FARP1: variants seen among roughly 807,000 people sequenced by gnomAD.
FARP1 encodes the protein FERM, ARHGEF and pleckstrin domain-containing protein 1.
Under a neutral mutation model 128.8 loss-of-function variants are expected in FARP1, and 52 were observed. The observed-to-expected ratio is 0.40, with a 90% confidence interval of 0.32 to 0.51. The LOEUF is 0.51. Among genes scored for constraint, FARP1 ranks in the 20% least tolerant of loss-of-function variants. The pLI is 0.45. For missense variants in FARP1, 1,333 were observed against 1,367.9 expected (o/e 0.97, Z 0.40); for synonymous variants, 580 against 551.8 (o/e 1.05, Z -0.72).
chr13:98,179,967 C>G (rs1342192232), intron 1 of FARP1, among the ~76,000 whole-genome samples: 3 of 152,120 alleles, frequency 2.0e-5, no homozygotes, highest in African/African-American at 7.2e-5. Context: ...CTTAGGCCCT[C>G]CTAGATTCAG....
chr13:98,442,650 G>C (rs1290018039), intron 24 of FARP1, among the ~76,000 whole-genome samples: 1 of 152,182 alleles, frequency 6.6e-6, no homozygotes, highest in Non-Finnish European at 1.5e-5. Context: ...AAAGCTTGCG[G>C]GTCTGAGACT....
chr13:98,213,428 T>A lies in FARP1; in HGVS notation c.171+15T>A, dbSNP rs767085876. 2 of 1,611,760 alleles carry A rather than the reference T, an allele frequency of 1.2e-6. No homozygotes were observed. Among genetic ancestry groups the A allele is most frequent in the Admixed American group, 3.3e-5 (2 of 59,852 alleles). ...TTGAAGTTCCAGTAAGTTGGGGGCT[T>A]ATCTGTAACCCAGGAGTGTGGTAGG... is the stretch of plus-strand genomic sequence containing the variant. On this transcript the variant is annotated intron_variant, in intron 2 of 26. Transcript: ENST00000319562.
intron 2 of FARP1, among the ~76,000 whole-genome samples, chr13:98,310,060 T>C (rs1886389587): frequency 7.0e-6 from 1 of 142,848 alleles, no homozygotes; most frequent in Admixed American, 7.3e-5. Flanking sequence ...TGCTCTTTTG[T>C]TCCACTTAAT....
intron 2 of FARP1, among the ~76,000 whole-genome samples, chr13:98,213,775 A>G (rs905790560): frequency 2.4e-4 from 37 of 152,168 alleles, no homozygotes; most frequent in Non-Finnish European, 1.5e-5. Context: ...TTTACTGGTC[A>G]TAGACAATTC....
intron 2 of FARP1, among the ~76,000 whole-genome samples, chr13:98,238,414 C>T (rs528475407): frequency 2.2e-4 from 33 of 152,104 alleles, no homozygotes; most frequent in Non-Finnish European, 4.3e-4. Flanking sequence ...AATACACATA[C>T]AAATTATGTG....
chr13:98,236,852 C>T (rs1594305677), intron 2 of FARP1, among the ~76,000 whole-genome samples: 1 of 151,872 alleles, frequency 6.6e-6, no homozygotes, highest in Non-Finnish European at 1.5e-5. Flanking sequence ...ATTCGCCAGG[C>T]GTGGTGGCAC....
At chr13:98,164,499 C>G (rs1359899881) in intron 1 of FARP1, among the ~76,000 whole-genome samples, 1 of 152,152 alleles carries the variant, frequency 6.6e-6, no homozygotes, top group Non-Finnish European at 1.5e-5. Flanking sequence ...GCTTAAGATT[C>G]TTTTGATTTG....
At chr13:98,386,267 G>A (rs1890095450) in intron 8 of FARP1, among the ~76,000 whole-genome samples, 1 of 145,436 alleles carries the variant, frequency 6.9e-6, no homozygotes, top group African/African-American at 2.5e-5. Context: ...TACTTAAAGA[G>A]TGTTAGGCAC....
rs540055745 is a variant in FARP1 at position 98,176,966 on chromosome 13, C to T, written c.-24+33474C>T. On this transcript the variant is annotated intron_variant, in intron 1 of 26. Transcript: ENST00000319562. This position sits in a 1 kb window ranked among gnomAD's most constrained non-coding sequence, Gnocchi z 6.2. ...GAGCGGGTGGACCTGTACACCACGTCGAGGCTCTCAGGCGCCGCCTCCTCG... is the reference window on the plus strand; with the variant it reads ...GAGCGGGTGGACCTGTACACCACGTTGAGGCTCTCAGGCGCCGCCTCCTCG... 5 of 1,600,874 alleles carry T rather than the reference C, an allele frequency of 3.1e-6. No individual in the cohort carries two copies. The highest frequency in any genetic ancestry group is 4.5e-5 in the East Asian group (2 of 44,824).
At chr13:98,246,391 C>A (rs1883068952) in intron 2 of FARP1, among the ~76,000 whole-genome samples, 1 of 151,876 alleles carries the variant, frequency 6.6e-6, no homozygotes, top group Non-Finnish European at 1.5e-5. Context: ...CCGCGCCCAG[C>A]CCCGAGATAA....
At chr13:98,236,242 G>A (rs1221379929) in intron 2 of FARP1, among the ~76,000 whole-genome samples, 2 of 152,208 alleles carry the variant, frequency 1.3e-5, no homozygotes, top group East Asian at 1.9e-4. Context: ...ATTTGTAGCC[G>A]GGAAAAAGTG....
chr13:98,256,792 T>C (rs1184281201), intron 2 of FARP1, among the ~76,000 whole-genome samples: 1 of 149,618 alleles, frequency 6.7e-6, no homozygotes, highest in Non-Finnish European at 1.5e-5. Flanking sequence ...ACTCCTGGCC[T>C]CAAGTGATCC....
intron 2 of FARP1, among the ~76,000 whole-genome samples, chr13:98,225,690 G>T (rs1278465368): frequency 6.6e-6 from 1 of 152,226 alleles, no homozygotes; most frequent in Non-Finnish European, 1.5e-5. Context: ...CAGAAACCAA[G>T]ACACTGCCAA....
chr13:98,386,691 C>A (rs1890110958), intron 8 of FARP1, among the ~76,000 whole-genome samples: 1 of 152,130 alleles, frequency 6.6e-6, no homozygotes, highest in Non-Finnish European at 1.5e-5. Flanking sequence ...AAAGCACCCG[C>A]CTTTCTCATG....
At chr13:98,358,523 C>T (rs1302914630) in intron 3 of FARP1, among the ~76,000 whole-genome samples, 2 of 152,068 alleles carry the variant, frequency 1.3e-5, no homozygotes, top group African/African-American at 4.8e-5. Context: ...ACAAGAAAGC[C>T]ACACTTAACA....
intron 3 of FARP1, among the ~76,000 whole-genome samples, chr13:98,348,382 T>G (rs66917362): frequency 6.6e-6 from 1 of 152,210 alleles, no homozygotes; most frequent in Non-Finnish European, 1.5e-5. Flanking sequence ...CCCGTGCTTA[T>G]TACGGCTGCT....
chr13:98,356,680 C>T (rs1241302796), intron 3 of FARP1, among the ~76,000 whole-genome samples: 2 of 147,318 alleles, frequency 1.4e-5, no homozygotes, highest in East Asian at 3.9e-4. Context: ...GCTCTGTTGC[C>T]CAGGCTAGAG....
intron 4 of FARP1, 25 bp from the exon 5 acceptor site, chr13:98,368,092 T>C (rs1384318847): frequency 6.3e-7 from 1 of 1,588,560 alleles, no homozygotes; most frequent in African/African-American, 1.3e-5. Flanking sequence ...GTAAATGCTT[T>C]ACTTCTTTTT....
chr13:98,144,991 G>T (rs552751657), intron 1 of FARP1, among the ~76,000 whole-genome samples: 1 of 152,296 alleles, frequency 6.6e-6, no homozygotes, highest in African/African-American at 2.4e-5. Flanking sequence ...TCGTTCTGCA[G>T]CAAGGCATCA....
Sources: allele counts gnomAD v4.1 joint callset (sites outside exome capture counted in the v4.1 genomes callset), GRCh38; gene constraint gnomAD v4.1.1; non-coding constraint Gnocchi (gnomAD v3.1); transcripts MANE v1.5; gene names NCBI Gene and HGNC (gene_info 2026-07-23, HGNC 2026-07-21).